Variants in LUC7L2 observed in about 807,000 individuals in gnomAD.
The protein encoded by LUC7L2 is LUC7 like 2, pre-mRNA splicing factor.
Under a neutral mutation model 52.8 loss-of-function variants are expected in LUC7L2, and 25 were observed. The observed-to-expected ratio is 0.47, with a 90% confidence interval of 0.34 to 0.66. The LOEUF is 0.66. Among genes scored for constraint, LUC7L2 ranks in the 30% least tolerant of loss-of-function variants. LUC7L2 has a pLI of 0.01. For synonymous variants in LUC7L2, 144 were observed against 160.9 expected (o/e 0.89, Z 0.80); for missense variants, 328 against 497.8 (o/e 0.66, Z 3.25).
intron 3 of LUC7L2, among the ~76,000 whole-genome samples, chr7:139,401,273 C>T (rs574503050): frequency 5.3e-5 from 8 of 152,042 alleles, no homozygotes; most frequent in South Asian, 4.1e-4. Flanking sequence ...TAAAAATGTT[C>T]GGAAATACTT....
intron 2 of LUC7L2, among the ~76,000 whole-genome samples, chr7:139,377,972 C>G (rs1352266387): frequency 6.6e-6 from 1 of 151,696 alleles, no homozygotes; most frequent in Non-Finnish European, 1.5e-5. Context: ...CACACACCAC[C>G]ATGCTCGGCT....
At chr7:139,401,569 C>T (rs1332129388) in intron 3 of LUC7L2, among the ~76,000 whole-genome samples, 1 of 152,106 alleles carries the variant, frequency 6.6e-6, no homozygotes, top group Non-Finnish European at 1.5e-5. Flanking sequence ...TCTCCTGCCT[C>T]AGCCTCCCGA....
At chr7:139,367,538 C>T (rs17691238) in intron 1 of LUC7L2, among the ~76,000 whole-genome samples, 58,592 of 152,078 alleles carry the variant, frequency 0.39, 15,771 homozygotes, top group African/African-American at 0.77. Flanking sequence ...TTAATAATTT[C>T]CTTACTGAGT....
chr7:139,404,615 A>C (rs560455876), intron 4 of LUC7L2, among the ~76,000 whole-genome samples: 1 of 152,238 alleles, frequency 6.6e-6, no homozygotes, highest in East Asian at 1.9e-4. Context: ...TGTATGTTTT[A>C]TGTGCCATTA....
chr7:139,382,839 T>TC (rs771889476), intron 2 of LUC7L2, among the ~76,000 whole-genome samples: 14 of 152,214 alleles, frequency 9.2e-5, no homozygotes, highest in Non-Finnish European at 1.6e-4. Context: ...GAAACTCCTT[T>TC]TTCTTATTGC....
At chr7:139,350,404 A>G (rs1799416755) in intron 1 of LUC7L2, among the ~76,000 whole-genome samples, 1 of 152,114 alleles carries the variant, frequency 6.6e-6, no homozygotes, top group African/African-American at 2.4e-5. Flanking sequence ...TACAGGTGTG[A>G]GCCACTGCAC....
At chr7:139,362,489 CT>C (rs1192811389) in intron 1 of LUC7L2, among the ~76,000 whole-genome samples, 2 of 152,036 alleles carry the variant, frequency 1.3e-5, no homozygotes, top group Non-Finnish European at 2.9e-5. Context: ...AATGGGAACC[CT>C]TGTATTGGAC....
chr7:139,357,187 A>T (rs561282181), upstream of LUC7L2, among the ~76,000 whole-genome samples: 7 of 152,292 alleles, frequency 4.6e-5, no homozygotes, highest in African/African-American at 1.7e-4. Context: ...AGAGTGGAAG[A>T]AATTGGAATG....
At chr7:139,359,634 G>A (rs759840954), upstream of LUC7L2, 2 of 397,272 alleles carry the variant, frequency 5.0e-6, no homozygotes, top group African/African-American at 2.1e-5. Context: ...ACCGCGGGCA[G>A]CGCAGCCTTA....
At chr7:139,407,035 C>A in intron 5 of LUC7L2, 139 bp from the exon 6 acceptor site, 26 of 338,956 alleles carry the variant, frequency 7.7e-5, no homozygotes, top group Non-Finnish European at 9.5e-5. Context: ...GCTGGAGTCT[C>A]GCCCCAGTGA....
At chr7:139,366,586 A>G (rs1298304145) in intron 1 of LUC7L2, among the ~76,000 whole-genome samples, 1 of 152,238 alleles carries the variant, frequency 6.6e-6, no homozygotes, top group Non-Finnish European at 1.5e-5. Flanking sequence ...GAACACATCC[A>G]TGCCGATTCA....
chr7:139,363,976 C>CTTTTTTTTTTTTTTTTTTTTTTTTT (rs1169793101), intron 1 of LUC7L2, among the ~76,000 whole-genome samples: 6 of 96,080 alleles, frequency 6.2e-5, no homozygotes, highest in African/African-American at 1.2e-4. Context: ...AGATTACATC[C>CTTTTTTTTTTTTTTTTTTTTTTTTT]TTTTTTTTTT....
intron 1 of LUC7L2, among the ~76,000 whole-genome samples, chr7:139,353,518 C>T (rs927411523): frequency 6.6e-6 from 1 of 151,758 alleles, no homozygotes; most frequent in South Asian, 2.1e-4. Flanking sequence ...TTTTCAGATG[C>T]TAAGATGAAT....
At chr7:139,360,449 T>TCCCCGTC (rs1799812860) in intron 1 of LUC7L2, 127 bp downstream of exon 1, 2 of 784,086 alleles carry the variant, frequency 2.6e-6, no homozygotes, top group South Asian at 1.7e-5. Flanking sequence ...TAACACGAGG[T>TCCCCGTC]CCCCGTCCCC....
intron 2 of LUC7L2, among the ~76,000 whole-genome samples, chr7:139,388,709 A>G (rs1270340148): frequency 6.6e-6 from 1 of 150,922 alleles, no homozygotes; most frequent in Admixed American, 6.7e-5. Context: ...TCTTGTCCAG[A>G]ACAAGACATT....
chr7:139,381,240 T>C (rs1800998262), intron 2 of LUC7L2, among the ~76,000 whole-genome samples: 1 of 152,114 alleles, frequency 6.6e-6, no homozygotes, highest in African/African-American at 2.4e-5. Context: ...TTTAGGTAAT[T>C]CAGTTATCCA....
intron 2 of LUC7L2, among the ~76,000 whole-genome samples, chr7:139,383,274 C>T (rs965633442): frequency 6.6e-6 from 1 of 151,750 alleles, no homozygotes; most frequent in Non-Finnish European, 1.5e-5. Flanking sequence ...CGCCACCACA[C>T]CTGGCTAATT....
chr7:139,364,237 A>T (rs1800028843), intron 1 of LUC7L2, among the ~76,000 whole-genome samples: 1 of 151,948 alleles, frequency 6.6e-6, no homozygotes, highest in Non-Finnish European at 1.5e-5. Context: ...CACCATGCCC[A>T]GCCTAGATTA....
At chr7:139,388,056 C>T (rs1794283274) in intron 2 of LUC7L2, among the ~76,000 whole-genome samples, 2 of 152,278 alleles carry the variant, frequency 1.3e-5, no homozygotes, top group South Asian at 4.1e-4. Flanking sequence ...TAAATCCTAT[C>T]TGGCTTACTA....
Sources: gnomAD v4.1 joint callset for allele counts (sites outside exome capture counted in the v4.1 genomes callset) on GRCh38, gnomAD v4.1.1 for gene constraint, MANE v1.5 for transcripts, NCBI Gene and HGNC (gene_info 2026-07-23, HGNC 2026-07-21) for gene names.